The following DSCAM variants were observed in gnomAD, a reference collection of about 807,000 sequenced individuals.
The protein encoded by DSCAM is DS cell adhesion molecule, also known as cell adhesion molecule DSCAM.
DSCAM carries 47 observed loss-of-function variants against 217.7 expected under a neutral mutation model. The observed-to-expected ratio is 0.22, with a 90% CI of 0.17 to 0.28. The LOEUF (loss-of-function observed/expected upper bound fraction) is 0.28, where lower values mean the gene tolerates loss of function less well. DSCAM is among the 10% of genes least tolerant of loss of function. The pLI is 1.00. For synonymous variants in DSCAM, 1,056 were observed against 1,015.3 expected (o/e 1.04, Z -0.76); for missense variants, 2,080 against 2,618.3 (o/e 0.79, Z 4.49).
At chr21:40,688,140 G>A (rs1327996490) in intron 3 of DSCAM, among the ~76,000 whole-genome samples, 2 of 152,152 alleles carry the variant, frequency 1.3e-5, no homozygotes, top group Admixed American at 6.5e-5. Flanking sequence ...AGAAAATTGG[G>A]CCACTGCTAA....
intron 3 of DSCAM, among the ~76,000 whole-genome samples, chr21:40,663,281 ATGTG>A (rs1282198042): frequency 2.1e-5 from 3 of 142,700 alleles, no homozygotes; most frequent in Admixed American, 7.0e-5. Flanking sequence ...GGGGGTGTAT[ATGTG>A]TGTGTGTGTG....
rs1356059563 is a variant in DSCAM at position 40,052,037 on chromosome 21, G to A, written c.5106C>T (p.Val1702=). 5.6e-6 allele frequency: 9 copies of A among 1,614,084 alleles called. No homozygotes were observed. In the African/African-American group the frequency reaches 1.2e-4, roughly 22 times the overall value. Residue 1702 remains valine (V), a synonymous_variant, in exon 30 of 33, where the codon GTC becomes GTT. Transcript: ENST00000400454. Reference sequence around the variant, plus strand: ...CCGATTGGTAATGGACCGTGTGAGTGACCGTCAGGGACTTCTGCTTAGCTG... The same window carrying A: ...CCGATTGGTAATGGACCGTGTGAGTAACCGTCAGGGACTTCTGCTTAGCTG... The part of the protein sequence containing the change: ...GEAAKQKSLT[V]THTVHYQSVS...
intron 20 of DSCAM, among the ~76,000 whole-genome samples, chr21:40,122,063 G>A (rs1222428013): frequency 1.3e-5 from 2 of 152,128 alleles, no homozygotes; most frequent in African/African-American, 4.8e-5. Context: ...TGTTCTGTGG[G>A]TGAAGAGACA....
At chr21:40,154,671 A>G (rs2090458496) in intron 16 of DSCAM, among the ~76,000 whole-genome samples, 1 of 152,162 alleles carries the variant, frequency 6.6e-6, no homozygotes, top group Admixed American at 6.5e-5. Flanking sequence ...GCTCCCCCAA[A>G]GTCATTATCT....
intron 3 of DSCAM, among the ~76,000 whole-genome samples, chr21:40,581,232 G>C (rs1280161642): frequency 6.6e-6 from 1 of 152,102 alleles, no homozygotes; most frequent in South Asian, 2.1e-4. Flanking sequence ...AGGAGGTGGC[G>C]GGAAACCTAG....
chr21:40,206,244 T>C (rs1168291253), intron 11 of DSCAM, among the ~76,000 whole-genome samples: 4 of 152,212 alleles, frequency 2.6e-5, no homozygotes, highest in African/African-American at 7.2e-5. Flanking sequence ...TCCCAGTAGG[T>C]GTGTCCCTAA....
intron 3 of DSCAM, among the ~76,000 whole-genome samples, chr21:40,617,970 T>G (rs1164149706): frequency 6.6e-6 from 1 of 152,216 alleles, no homozygotes; most frequent in African/African-American, 2.4e-5. Context: ...CACTTGGGGC[T>G]TTTGTCAATA....
intron 20 of DSCAM, among the ~76,000 whole-genome samples, chr21:40,111,012 T>C (rs112046447): frequency 1.3e-5 from 2 of 152,122 alleles, no homozygotes; most frequent in African/African-American, 4.8e-5. Context: ...TCCAGGAGAA[T>C]TTCCCCAATC....
chr21:40,120,626 A>G (rs1483622306), intron 20 of DSCAM, among the ~76,000 whole-genome samples: 1 of 152,226 alleles, frequency 6.6e-6, no homozygotes, highest in East Asian at 1.9e-4. Flanking sequence ...TGAGGCTCTG[A>G]ATCAAATGAC....
chr21:40,609,285 G>A (rs563768198), intron 3 of DSCAM, among the ~76,000 whole-genome samples: 22 of 145,108 alleles, frequency 1.5e-4, no homozygotes, highest in African/African-American at 2.5e-4. Flanking sequence ...CGATTTTGCC[G>A]TTGTTGTTTC....
At chr21:40,777,831 T>C (rs1601247101) in intron 1 of DSCAM, among the ~76,000 whole-genome samples, 1 of 152,256 alleles carries the variant, frequency 6.6e-6, no homozygotes, top group East Asian at 1.9e-4. Flanking sequence ...GAAATTTGTG[T>C]CCAAACACAC....
chr21:40,760,022 T>C (rs1403355698), intron 1 of DSCAM, among the ~76,000 whole-genome samples: 2 of 151,112 alleles, frequency 1.3e-5, no homozygotes, highest in Admixed American at 1.3e-4. Flanking sequence ...TGAGACAGAG[T>C]CTTGCTCTGC....
intron 6 of DSCAM, among the ~76,000 whole-genome samples, chr21:40,346,093 G>A (rs1239911349): frequency 3.3e-5 from 5 of 152,146 alleles, no homozygotes; most frequent in African/African-American, 1.2e-4. Context: ...TGGTTGCCGG[G>A]GTAACTGGGC....
At chr21:40,520,036 A>G (rs1276820935) in intron 3 of DSCAM, among the ~76,000 whole-genome samples, 1 of 152,142 alleles carries the variant, frequency 6.6e-6, no homozygotes, top group African/African-American at 2.4e-5. Flanking sequence ...GCACATATTT[A>G]TATTATTTCA....
intron 3 of DSCAM, among the ~76,000 whole-genome samples, chr21:40,410,280 AAAC>A (rs1472857642): frequency 6.6e-6 from 1 of 152,092 alleles, no homozygotes; most frequent in Admixed American, 6.6e-5. Context: ...GTGAACTCAT[AAAC>A]AACAATAGAA....
At chr21:40,353,837 C>G in intron 4 of DSCAM, 94 bp from the exon 5 acceptor site, 1 of 1,104,824 alleles carries the variant, frequency 9.1e-7, no homozygotes, top group Non-Finnish European at 1.2e-6. Context: ...AAATACGGTG[C>G]ATCATACCAA....
Position 40,080,280 on chromosome 21 carries a change from G to C in DSCAM, c.4292C>G (p.Pro1431Arg), listed in dbSNP as rs749665593. 2 of 1,613,430 alleles carry C rather than the reference G, an allele frequency of 1.2e-6. No homozygotes were observed. The highest frequency in any genetic ancestry group is 3.3e-5 in the Admixed American group (2 of 59,914). The change falls in exon 25 of 33, where the codon CCC (proline) becomes CGC (arginine). Residue 1431 changes from proline (P) to arginine (R), a missense_variant. By Grantham distance (103) the Pro-to-Arg change is moderately radical. Coordinates refer to ENST00000400454, the MANE Select transcript of DSCAM (RefSeq NM_001389.5). ...SEQWGSFPIS[P>R]SERSYRLENL... ...TTCCAAGCGATAGGAACGTTCGCTG[G>C]GGCTGATTGGAAAACTCCCCCACTG...
intron 3 of DSCAM, among the ~76,000 whole-genome samples, chr21:40,537,716 A>G (rs965621438): frequency 6.6e-6 from 1 of 152,144 alleles, no homozygotes; most frequent in Non-Finnish European, 1.5e-5. Context: ...TGAAATCACC[A>G]AACACCAAAG....
chr21:40,166,472 G>A (rs140368186), intron 16 of DSCAM, among the ~76,000 whole-genome samples: 84 of 152,340 alleles, frequency 5.5e-4, no homozygotes, highest in Non-Finnish European at 7.8e-4. Context: ...ACCAGGTCAG[G>A]GCCATGCTAC....
Sources: gnomAD v4.1 joint callset for allele counts (sites outside exome capture counted in the v4.1 genomes callset) on GRCh38, gnomAD v4.1.1 for gene constraint, MANE v1.5 for transcripts, NCBI Gene and HGNC (gene_info 2026-07-23, HGNC 2026-07-21) for gene names.